Variants in TMTC2 observed in about 807,000 individuals in gnomAD.
TMTC2 encodes the protein protein O-mannosyl-transferase TMTC2.
A neutral mutation model predicts 82.4 loss-of-function variants in TMTC2; 43 were observed. That is an observed-to-expected ratio of 0.52 (90% CI 0.41 to 0.67). TMTC2 has a LOEUF of 0.67. Among genes scored for constraint, TMTC2 ranks in the 30% least tolerant of loss-of-function variants. The probability of loss-of-function intolerance (pLI) is 0.00; values close to 1 mark genes in which losing one functional copy is unlikely to be tolerated. For missense variants in TMTC2, 919 were observed against 1,012.4 expected (o/e 0.91, Z 1.25); for synonymous variants, 408 against 381.9 (o/e 1.07, Z -0.80).
At chr12:82,898,256 C>G (rs1479466998) in intron 3 of TMTC2, among the ~76,000 whole-genome samples, 2 of 152,158 alleles carry the variant, frequency 1.3e-5, no homozygotes, top group African/African-American at 4.8e-5. Flanking sequence ...GGACCCAAAT[C>G]TTGTAAAAAT....
Position 82,744,772 on chromosome 12 carries a change from G to A in TMTC2, c.83+57103G>A, listed in dbSNP as rs1348316358. Among the ~76,000 whole-genome samples, 3 of 152,178 alleles carry A rather than the reference G, an allele frequency of 2.0e-5. No individual in the cohort carries two copies. The East Asian group carries it at 5.8e-4, about 29-fold the overall frequency. On this transcript the variant is annotated intron_variant, in intron 1 of 11. Coordinates refer to ENST00000321196, the MANE Select transcript of TMTC2 (RefSeq NM_152588.3). ...CTCTCTAAAAGTTGCCTCTGGCAGG[G>A]GCTAGCAGAAGGTTGCTGCAGACAA... is the stretch of plus-strand genomic sequence containing the variant.
chr12:83,129,153 C>A (rs1233843235), intron 11 of TMTC2, among the ~76,000 whole-genome samples: 1 of 151,924 alleles, frequency 6.6e-6, no homozygotes, highest in Non-Finnish European at 1.5e-5. Context: ...ATATTTACAC[C>A]AAAATGTTAT....
At chr12:82,745,799 G>C (rs185125947) in intron 1 of TMTC2, among the ~76,000 whole-genome samples, 1 of 152,196 alleles carries the variant, frequency 6.6e-6, no homozygotes, top group Non-Finnish European at 1.5e-5. Context: ...ATTTGAATTG[G>C]TATTAATGTG....
chr12:83,056,756 C>T (rs1447420822), intron 10 of TMTC2, among the ~76,000 whole-genome samples: 1 of 151,898 alleles, frequency 6.6e-6, no homozygotes, highest in African/African-American at 2.4e-5. Flanking sequence ...TTCCAATTTA[C>T]AATCACAAGG....
chr12:82,843,099 G>A (rs1310722688), intron 1 of TMTC2, among the ~76,000 whole-genome samples: 1 of 150,672 alleles, frequency 6.6e-6, no homozygotes, highest in Admixed American at 6.6e-5. Flanking sequence ...TAATAGTCTC[G>A]AGTAGGACTC....
intron 4 of TMTC2, among the ~76,000 whole-genome samples, chr12:82,947,372 C>A (rs1002916977): frequency 7.0e-6 from 1 of 142,824 alleles, no homozygotes; most frequent in African/African-American, 2.6e-5. Flanking sequence ...GACGGAGTCT[C>A]GCTCTTGTCG....
At chr12:82,724,939 C>T (rs1874378710) in intron 1 of TMTC2, among the ~76,000 whole-genome samples, 1 of 152,138 alleles carries the variant, frequency 6.6e-6, no homozygotes, top group Non-Finnish European at 1.5e-5. Context: ...TGTAGGGCAT[C>T]AGGCGATCAG....
intron 1 of TMTC2, among the ~76,000 whole-genome samples, chr12:82,840,577 A>G (rs914512395): frequency 6.6e-6 from 1 of 152,164 alleles, no homozygotes; most frequent in East Asian, 1.9e-4. Flanking sequence ...GTTTATTGTG[A>G]TGGTCACGAT....
At chr12:83,087,860 T>C (rs1400269536) in intron 11 of TMTC2, among the ~76,000 whole-genome samples, 1 of 152,216 alleles carries the variant, frequency 6.6e-6, no homozygotes, top group Non-Finnish European at 1.5e-5. Context: ...GAATAATCAG[T>C]GAGCACTGGC....
At chr12:83,006,351 G>C (rs1162661324) in intron 8 of TMTC2, among the ~76,000 whole-genome samples, 1 of 152,138 alleles carries the variant, frequency 6.6e-6, no homozygotes, top group African/African-American at 2.4e-5. Flanking sequence ...CTCTTCCTGG[G>C]TGTGTCTACT....
At chr12:82,733,951 G>A (rs1874960326) in intron 1 of TMTC2, among the ~76,000 whole-genome samples, 1 of 152,150 alleles carries the variant, frequency 6.6e-6, no homozygotes, top group South Asian at 2.1e-4. Flanking sequence ...GCCCAGGTAG[G>A]TGCAGGTCAC....
chr12:82,922,316 C>T (rs1253655006), intron 3 of TMTC2, among the ~76,000 whole-genome samples: 1 of 151,866 alleles, frequency 6.6e-6, no homozygotes, highest in East Asian at 1.9e-4. Flanking sequence ...AGAATAAGTA[C>T]CAAAGTGAAA....
intron 3 of TMTC2, among the ~76,000 whole-genome samples, chr12:82,918,431 A>G (rs943212618): frequency 1.3e-5 from 2 of 152,198 alleles, no homozygotes; most frequent in African/African-American, 4.8e-5. Flanking sequence ...AATGCAGTTA[A>G]GTACTTCAAT....
chr12:82,724,934 G>A (rs540746423), intron 1 of TMTC2, among the ~76,000 whole-genome samples: 1 of 152,204 alleles, frequency 6.6e-6, no homozygotes, highest in Admixed American at 6.5e-5. Context: ...CAGGCTGTAG[G>A]GCATCAGGCG....
At chr12:82,932,428 T>A (rs1322587848) in intron 4 of TMTC2, among the ~76,000 whole-genome samples, 1 of 152,186 alleles carries the variant, frequency 6.6e-6, no homozygotes, top group East Asian at 1.9e-4. Context: ...CTCTTCTGTG[T>A]CCTGCTTCAC....
At position 83,102,882 on chromosome 12, in the gene TMTC2, A is replaced by C. The variant is rs577310695; in HGVS notation, c.2332-29328A>C. On this transcript the variant is annotated intron_variant, in intron 11 of 11. Coordinates refer to ENST00000321196, the MANE Select transcript of TMTC2 (RefSeq NM_152588.3). ...TAATAGACTAAACTAAACTATTCCA[A>C]AGCCAACTCTTAAAATCATCAAAAT... Among the ~76,000 whole-genome samples, 38 of 152,264 alleles carry C rather than the reference A, an allele frequency of 2.5e-4. No homozygotes were observed. The South Asian group carries it at 3.1e-3, about 12-fold the overall frequency.
intron 1 of TMTC2, among the ~76,000 whole-genome samples, chr12:82,729,320 C>T (rs186685847): frequency 8.5e-5 from 13 of 152,322 alleles, no homozygotes; most frequent in South Asian, 4.1e-4. Context: ...TTTGTGAATG[C>T]ACCCATGACA....
At chr12:82,790,463 C>T (rs978450222) in intron 1 of TMTC2, among the ~76,000 whole-genome samples, 4 of 152,060 alleles carry the variant, frequency 2.6e-5, no homozygotes, top group African/African-American at 7.2e-5. Context: ...TATGAATTCT[C>T]TTCACAAGAA....
At chr12:83,094,152 C>T (rs573929882) in intron 11 of TMTC2, among the ~76,000 whole-genome samples, 1 of 152,340 alleles carries the variant, frequency 6.6e-6, no homozygotes, top group African/African-American at 2.4e-5. Context: ...GTAGATAATG[C>T]AGTCCTGTAG....
Sources: allele counts gnomAD v4.1 joint callset (sites outside exome capture counted in the v4.1 genomes callset), GRCh38; gene constraint gnomAD v4.1.1; transcripts MANE v1.5; gene names NCBI Gene and HGNC (gene_info 2026-07-23, HGNC 2026-07-21).